Variants in ADAMTS17 observed in about 807,000 individuals in gnomAD.
ADAMTS17 encodes the protein ADAM metallopeptidase with thrombospondin type 1 motif 17.
ADAMTS17 carries 113 observed loss-of-function variants against 141.5 expected under a neutral mutation model. The observed-to-expected ratio is 0.80, with a 90% CI of 0.69 to 0.93. The LOEUF (loss-of-function observed/expected upper bound fraction) is 0.93, where lower values mean the gene tolerates loss of function less well. Among genes scored for constraint, ADAMTS17 ranks in the 40% least tolerant of loss-of-function variants. The probability of loss-of-function intolerance (pLI) is 0.00; values close to 1 mark genes in which losing one functional copy is unlikely to be tolerated. For synonymous variants in ADAMTS17, 768 were observed against 630.6 expected (o/e 1.22, Z -3.27); for missense variants, 1,659 against 1,517.9 (o/e 1.09, Z -1.54).
At chr15:100,121,547 A>G (rs575242483) in intron 12 of ADAMTS17, among the ~76,000 whole-genome samples, 1 of 152,302 alleles carries the variant, frequency 6.6e-6, no homozygotes, top group Admixed American at 6.5e-5. Flanking sequence ...TTATATACTT[A>G]AAGTGCCTAA....
chr15:100,341,579 C>G (rs1342586310), intron 1 of ADAMTS17, among the ~76,000 whole-genome samples, 170 bp from the exon 2 acceptor site: 1 of 149,528 alleles, frequency 6.7e-6, no homozygotes, highest in Non-Finnish European at 1.5e-5. Flanking sequence ...GGGAGGGTCT[C>G]CGGCGCAGCC....
intron 7 of ADAMTS17, among the ~76,000 whole-genome samples, chr15:100,246,912 C>G (rs550116741): frequency 2.2e-5 from 3 of 137,282 alleles, no homozygotes; most frequent in African/African-American, 8.9e-5. Context: ...GAGACAATGT[C>G]TCTCTCTGTC....
chr15:100,148,946 G>A (rs548933152), intron 10 of ADAMTS17, among the ~76,000 whole-genome samples: 15 of 152,290 alleles, frequency 9.8e-5, no homozygotes, highest in Admixed American at 3.3e-4. Context: ...GGTGGGGTCC[G>A]AGAAGAAAAG....
rs112105257 is a variant in ADAMTS17 at position 100,172,323 on chromosome 15, T to C, written c.1182-17003A>G. 6.5e-3 allele frequency among the ~76,000 whole-genome samples: 987 copies of C among 152,344 alleles called. 13 individuals carry two copies. Among genetic ancestry groups the C allele is most frequent in the African/African-American group, 0.022 (907 of 41,566 alleles). ...TCCAGGTGATTCTCATGTCTATTGT[T>C]GGATGCAGTGAATTCTAAATTTTTC... On this transcript the variant is annotated intron_variant, in intron 8 of 21. Coordinates refer to ENST00000268070, the MANE Select transcript of ADAMTS17 (RefSeq NM_139057.4).
chr15:100,307,230 C>T (rs2045257019), intron 3 of ADAMTS17, among the ~76,000 whole-genome samples: 1 of 152,184 alleles, frequency 6.6e-6, no homozygotes, highest in African/African-American at 2.4e-5. Context: ...GGAAAAAAGA[C>T]TCTGCTTCTT....
intron 18 of ADAMTS17, among the ~76,000 whole-genome samples, chr15:100,001,434 A>G (rs1344921963): frequency 2.6e-5 from 4 of 151,314 alleles, no homozygotes; most frequent in South Asian, 4.2e-4. Context: ...GTATGATGCT[A>G]TAACGGTGGA....
At chr15:100,085,625 T>A (rs1388239106) in intron 15 of ADAMTS17, among the ~76,000 whole-genome samples, 3 of 151,984 alleles carry the variant, frequency 2.0e-5, no homozygotes, top group Non-Finnish European at 4.4e-5. Context: ...GGCAAGCCCA[T>A]CATCAGACGA....
chr15:100,137,222 C>G (rs1468256343), intron 10 of ADAMTS17, among the ~76,000 whole-genome samples: 3 of 152,112 alleles, frequency 2.0e-5, no homozygotes, highest in Non-Finnish European at 2.9e-5. Context: ...AGTTAGAGAA[C>G]AGAATTCATG....
chr15:100,076,267 T>G (rs2034369221), intron 15 of ADAMTS17, among the ~76,000 whole-genome samples: 1 of 152,156 alleles, frequency 6.6e-6, no homozygotes, highest in Non-Finnish European at 1.5e-5. Context: ...GGTCTGGAAC[T>G]CCTGACCTCA....
At chr15:100,270,443 C>T (rs1031975270) in intron 4 of ADAMTS17, among the ~76,000 whole-genome samples, 1 of 152,088 alleles carries the variant, frequency 6.6e-6, no homozygotes, top group Non-Finnish European at 1.5e-5. Context: ...TTTAATACAC[C>T]ATATCCGTGG....
chr15:100,093,743 A>C (rs1365250475), intron 15 of ADAMTS17, among the ~76,000 whole-genome samples: 2 of 152,028 alleles, frequency 1.3e-5, no homozygotes, highest in African/African-American at 4.8e-5. Context: ...GGCTGCCTCC[A>C]CCTCATGCTC....
At chr15:100,003,984 C>A (rs1240520665) in intron 18 of ADAMTS17, among the ~76,000 whole-genome samples, 11 of 152,234 alleles carry the variant, frequency 7.2e-5, no homozygotes, top group Admixed American at 2.0e-4. Flanking sequence ...TGCCACTGAA[C>A]TGTACATTTA....
intron 18 of ADAMTS17, among the ~76,000 whole-genome samples, chr15:100,004,331 CT>C (rs1370029669): frequency 4.6e-5 from 7 of 152,244 alleles, no homozygotes; most frequent in African/African-American, 1.7e-4. Context: ...CTTAAAACTT[CT>C]TTTTTTGGTG....
chr15:100,007,001 C>T (rs1464110030), intron 18 of ADAMTS17, among the ~76,000 whole-genome samples: 1 of 152,226 alleles, frequency 6.6e-6, no homozygotes, highest in Non-Finnish European at 1.5e-5. Flanking sequence ...GTCAACCTCA[C>T]GTTGAGTCCT....
intron 10 of ADAMTS17, among the ~76,000 whole-genome samples, chr15:100,140,484 C>CATAAATATATATATATATATATAT (rs1164353969): frequency 4.9e-5 from 2 of 40,826 alleles, no homozygotes; most frequent in Non-Finnish European, 1.4e-4. Flanking sequence ...CACACACATA[C>CATAAATATATATATATATATATAT]ATACATATAT....
intron 15 of ADAMTS17, among the ~76,000 whole-genome samples, chr15:100,065,971 C>T (rs576505437): frequency 7.2e-5 from 11 of 152,222 alleles, no homozygotes; most frequent in Admixed American, 2.6e-4. Flanking sequence ...TGAGAACATG[C>T]GGTGTTTGGT....
intron 18 of ADAMTS17, among the ~76,000 whole-genome samples, chr15:100,044,807 A>AT (rs60017895): frequency 0.021 from 2,922 of 138,434 alleles, 42 homozygotes; most frequent in South Asian, 0.033. Flanking sequence ...TATAATTTGG[A>AT]TTTTTTTTTT....
intron 15 of ADAMTS17, among the ~76,000 whole-genome samples, chr15:100,056,363 A>C (rs1001167352): frequency 3.3e-5 from 5 of 151,410 alleles, no homozygotes; most frequent in Admixed American, 2.6e-4. Flanking sequence ...CCTTTAAGAC[A>C]GCAGTCCCCA....
At chr15:100,263,135 G>C (rs182587598) in intron 4 of ADAMTS17, among the ~76,000 whole-genome samples, 10 of 152,272 alleles carry the variant, frequency 6.6e-5, no homozygotes, top group African/African-American at 1.9e-4. Flanking sequence ...TTCCATTCTG[G>C]GCTTTCATGC....
Sources: gnomAD v4.1 joint callset for allele counts (sites outside exome capture counted in the v4.1 genomes callset) on GRCh38, gnomAD v4.1.1 for gene constraint, MANE v1.5 for transcripts, NCBI Gene and HGNC (gene_info 2026-07-23, HGNC 2026-07-21) for gene names.